Variants in CNTNAP2 observed in about 807,000 individuals in gnomAD.
The protein encoded by CNTNAP2 is contactin-associated protein-like 2.
In CNTNAP2, 98 loss-of-function variants were observed where a neutral mutation model predicts 155.2. The ratio of observed to expected loss-of-function variants is 0.63; its 90% CI spans 0.54 to 0.75. The LOEUF is 0.75. Ranked by LOEUF, CNTNAP2 falls within the 30% of genes least tolerant of loss-of-function variation. The pLI, the probability that CNTNAP2 is intolerant of heterozygous loss-of-function variation, is 0.00. For missense variants in CNTNAP2, 1,727 were observed against 1,688.1 expected (o/e 1.02, Z -0.40); for synonymous variants, 651 against 631.2 (o/e 1.03, Z -0.47).
chr7:147,545,260 A>G (rs1799710249), intron 11 of CNTNAP2, among the ~76,000 whole-genome samples: 1 of 152,098 alleles, frequency 6.6e-6, no homozygotes, highest in Non-Finnish European at 1.5e-5. Context: ...TCACTCAGAA[A>G]TTTGTCTACT....
chr7:147,599,458 G>A (rs902555888), intron 12 of CNTNAP2, among the ~76,000 whole-genome samples: 1 of 140,936 alleles, frequency 7.1e-6, no homozygotes, highest in East Asian at 2.1e-4. Flanking sequence ...ACTCCAGCCT[G>A]GGCAACGAGT....
intron 1 of CNTNAP2, among the ~76,000 whole-genome samples, chr7:146,537,404 C>A (rs1287964063): frequency 1.3e-5 from 2 of 151,852 alleles, no homozygotes; most frequent in Non-Finnish European, 1.5e-5. Flanking sequence ...CTGGCAACAT[C>A]CTTATTTACT....
intron 12 of CNTNAP2, among the ~76,000 whole-genome samples, chr7:147,635,859 G>C (rs1040522006): frequency 1.3e-5 from 2 of 152,086 alleles, no homozygotes; most frequent in South Asian, 4.1e-4. Flanking sequence ...GAAAGATTTG[G>C]AGTACTACTG....
chr7:147,947,169 GAGA>G (rs1433853427), intron 14 of CNTNAP2, among the ~76,000 whole-genome samples: 1 of 152,132 alleles, frequency 6.6e-6, no homozygotes, highest in Non-Finnish European at 1.5e-5. Context: ...GAGCTGTCTT[GAGA>G]AGAATAGATG....
At chr7:147,124,088 A>C (rs1801184213) in intron 6 of CNTNAP2, among the ~76,000 whole-genome samples, 1 of 152,106 alleles carries the variant, frequency 6.6e-6, no homozygotes, top group African/African-American at 2.4e-5. Context: ...ACTGTATTAG[A>C]GTCAGTCTCT....
chr7:148,087,761 A>G (rs1016568641), intron 15 of CNTNAP2, among the ~76,000 whole-genome samples: 7 of 152,150 alleles, frequency 4.6e-5, no homozygotes, highest in South Asian at 2.1e-4. Context: ...GAATACTATT[A>G]AAGTCCAAAA....
intron 3 of CNTNAP2, among the ~76,000 whole-genome samples, chr7:147,021,171 A>G (rs897384922): frequency 1.3e-5 from 2 of 152,006 alleles, no homozygotes; most frequent in Admixed American, 6.6e-5. Flanking sequence ...CAATTTGTAA[A>G]CTTTATTAAA....
At chr7:147,748,721 G>A (rs1170134052) in intron 13 of CNTNAP2, among the ~76,000 whole-genome samples, 1 of 152,088 alleles carries the variant, frequency 6.6e-6, no homozygotes, top group East Asian at 1.9e-4. Flanking sequence ...ACATCCAAAG[G>A]GCTCTGATGG....
intron 1 of CNTNAP2, among the ~76,000 whole-genome samples, chr7:146,359,193 A>G (rs1198559280): frequency 6.6e-6 from 1 of 152,258 alleles, no homozygotes; most frequent in African/African-American, 2.4e-5. Flanking sequence ...ATTGTAATGA[A>G]GCATAAGGCA....
chr7:146,836,038 C>A (rs2129199684), intron 2 of CNTNAP2, among the ~76,000 whole-genome samples: 1 of 152,142 alleles, frequency 6.6e-6, no homozygotes, highest in East Asian at 1.9e-4. Flanking sequence ...GGAATTACAG[C>A]TAAGTACTGT....
intron 8 of CNTNAP2, among the ~76,000 whole-genome samples, chr7:147,246,108 C>T (rs1804061374): frequency 3.1e-5 from 3 of 96,334 alleles, no homozygotes; most frequent in African/African-American, 1.0e-4. Flanking sequence ...TATATATATA[C>T]ACACATATAT....
At chr7:148,291,069 C>G (rs1300439528) in intron 21 of CNTNAP2, among the ~76,000 whole-genome samples, 1 of 152,094 alleles carries the variant, frequency 6.6e-6, no homozygotes, top group Non-Finnish European at 1.5e-5. Flanking sequence ...GAATGTAGAT[C>G]TTCACCATCT....
chr7:147,905,933 G>A (rs2116756182), intron 14 of CNTNAP2, among the ~76,000 whole-genome samples: 1 of 151,646 alleles, frequency 6.6e-6, no homozygotes, highest in African/African-American at 2.4e-5. Flanking sequence ...ACTGATGGAA[G>A]AAATTTTCAA....
intron 15 of CNTNAP2, among the ~76,000 whole-genome samples, chr7:148,058,288 C>T (rs1803061656): frequency 6.6e-6 from 1 of 152,070 alleles, no homozygotes; most frequent in African/African-American, 2.4e-5. Flanking sequence ...CAGAGCAGAG[C>T]AAACAGGCAG....
At chr7:147,536,602 G>T (rs1176290959) in intron 11 of CNTNAP2, among the ~76,000 whole-genome samples, 2 of 152,124 alleles carry the variant, frequency 1.3e-5, no homozygotes, top group African/African-American at 2.4e-5. Context: ...TCTGTCCATG[G>T]TGTATGTGTC....
chr7:146,943,623 G>A (rs1237456950), intron 3 of CNTNAP2, among the ~76,000 whole-genome samples: 2 of 152,162 alleles, frequency 1.3e-5, no homozygotes, highest in African/African-American at 2.4e-5. Context: ...AGTAGCAACC[G>A]CAGCTGCAGG....
intron 3 of CNTNAP2, among the ~76,000 whole-genome samples, chr7:147,000,025 A>T (rs1208291974): frequency 6.6e-6 from 1 of 151,898 alleles, no homozygotes; most frequent in Non-Finnish European, 1.5e-5. Flanking sequence ...ATTTAAGGTT[A>T]TCCCAGAAAT....
chr7:147,912,526 A>G (rs1395936730), intron 14 of CNTNAP2, among the ~76,000 whole-genome samples: 1 of 152,156 alleles, frequency 6.6e-6, no homozygotes, highest in Non-Finnish European at 1.5e-5. Context: ...AAACGAAGCT[A>G]TGGCTTTCAG....
At chr7:147,008,231 C>G (rs549466335) in intron 3 of CNTNAP2, among the ~76,000 whole-genome samples, 6 of 151,952 alleles carry the variant, frequency 3.9e-5, no homozygotes. Flanking sequence ...ATTGAATGAC[C>G]TACTCAAGGA....
Sources: gnomAD v4.1 joint callset for allele counts (sites outside exome capture counted in the v4.1 genomes callset) on GRCh38, gnomAD v4.1.1 for gene constraint, MANE v1.5 for transcripts, NCBI Gene and HGNC (gene_info 2026-07-23, HGNC 2026-07-21) for gene names.